The following LPP variants were observed in gnomAD, a reference collection of about 807,000 sequenced individuals.
LPP encodes LIM domain containing preferred translocation partner in lipoma.
LPP carries 38 observed loss-of-function variants against 60.4 expected under a neutral mutation model. That is an observed-to-expected ratio of 0.63 (90% CI 0.49 to 0.83). LPP has a LOEUF of 0.83. Among genes scored for constraint, LPP ranks in the 40% least tolerant of loss-of-function variants. The pLI, the probability that LPP is intolerant of heterozygous loss-of-function variation, is 0.00. For missense variants in LPP, 902 were observed against 783.6 expected, an observed-to-expected ratio of 1.15 and a Z score of -1.80; for synonymous variants, 328 against 290.8, an observed-to-expected ratio of 1.13 and a Z score of -1.30.
At chr3:188,406,438 T>C in intron 4 of LPP, 125 bp downstream of exon 4, 1 of 874,596 alleles carries the variant, frequency 1.1e-6, no homozygotes. Flanking sequence ...TGTCATAGGC[T>C]ACTAAAAGTA....
rs1770615663 is a variant in LPP at position 188,886,034 on chromosome 3, A to C, written c.*11555A>C. 1 of 152,108 alleles carries C rather than the reference A, an allele frequency of 6.6e-6. No individual in the cohort carries two copies. Among genetic ancestry groups the C allele is most frequent in the African/African-American group, 2.4e-5 (1 of 41,426 alleles). The allele number at this position is 152,108 out of a possible 1,614,324, so 9.4% of individuals were successfully genotyped here. ...GATGAAATTGGAAATCATCATTCTC[A>C]GTAAACTATCTCAAGGACAAAAAAC... On this transcript the variant is annotated 3_prime_UTR_variant, in exon 12 of 12. Coordinates refer to ENST00000617246, the MANE Select transcript of LPP (RefSeq NM_001375462.1).
Position 188,344,047 on chromosome 3 carries a change from C to T in LPP, c.-10+2328C>T, listed in dbSNP as rs116295515. ...AAGCTGCACTCCACGGAATCTGCAA[C>T]AGTATACCCTGTTTACTATTTAGAG... is the stretch of plus-strand genomic sequence containing the variant. On this transcript the variant is annotated intron_variant, in intron 3 of 11. Coordinates refer to ENST00000617246, the MANE Select transcript of LPP (RefSeq NM_001375462.1). 5.8e-3 allele frequency among the ~76,000 whole-genome samples: 882 copies of T among 152,314 alleles called. 10 individuals are homozygous for T. Among genetic ancestry groups the T allele is most frequent in the African/African-American group, 0.021 (855 of 41,568 alleles).
chr3:188,340,972 G>A (rs1319204299), intron 2 of LPP, among the ~76,000 whole-genome samples: 1 of 151,996 alleles, frequency 6.6e-6, no homozygotes, highest in African/African-American at 2.4e-5. Context: ...TTTAACTAAG[G>A]GCAACTTTGG....
intron 7 of LPP, among the ~76,000 whole-genome samples, chr3:188,645,809 CAA>C (rs397745386): frequency 7.4e-6 from 1 of 135,426 alleles, no homozygotes; most frequent in Non-Finnish European, 1.6e-5. Context: ...AATATAAGTT[CAA>C]AAAAAAAAAC....
intron 6 of LPP, among the ~76,000 whole-genome samples, chr3:188,608,465 C>G (rs980935113): frequency 6.6e-6 from 1 of 152,088 alleles, no homozygotes; most frequent in African/African-American, 2.4e-5. Context: ...GCCCCCTCAT[C>G]AAAAATCAAT....
At chr3:188,233,685 T>C (rs112363620) in intron 2 of LPP, among the ~76,000 whole-genome samples, 2,558 of 152,242 alleles carry the variant, frequency 0.017, 64 homozygotes, top group African/African-American at 0.056. Context: ...CAAGGCTTTT[T>C]CCCCCCATTG....
At chr3:188,681,515 G>T (rs1001875110) in intron 7 of LPP, among the ~76,000 whole-genome samples, 4 of 152,160 alleles carry the variant, frequency 2.6e-5, no homozygotes, top group Non-Finnish European at 5.9e-5. Context: ...CTAGGGTAAA[G>T]ATTTGTAATG....
chr3:188,457,735 A>AT (rs1553903656), intron 4 of LPP, among the ~76,000 whole-genome samples: 94 of 44,172 alleles, frequency 2.1e-3, no homozygotes, highest in Admixed American at 5.7e-3. Flanking sequence ...TACTAAAAAA[A>AT]AAAAATATAT....
chr3:188,680,319 C>A (rs1381975275), intron 7 of LPP, among the ~76,000 whole-genome samples: 1 of 152,190 alleles, frequency 6.6e-6, no homozygotes, highest in Non-Finnish European at 1.5e-5. Context: ...TCTCAGTTCT[C>A]TGTGACTTTA....
intron 5 of LPP, among the ~76,000 whole-genome samples, chr3:188,504,789 A>G (rs1812962858): frequency 1.4e-5 from 2 of 146,666 alleles, no homozygotes; most frequent in Admixed American, 1.4e-4. Context: ...GTAAAAAATA[A>G]AGGAAGAAAA....
chr3:188,184,730 T>A (rs1346309418), intron 1 of LPP, among the ~76,000 whole-genome samples: 1 of 144,446 alleles, frequency 6.9e-6, no homozygotes, highest in Non-Finnish European at 1.5e-5. Flanking sequence ...AGAGCAGGGG[T>A]ACATTTTGTA....
intron 3 of LPP, among the ~76,000 whole-genome samples, chr3:188,343,855 G>A (rs1249834672): frequency 6.6e-6 from 1 of 152,178 alleles, no homozygotes; most frequent in Non-Finnish European, 1.5e-5. Flanking sequence ...TGGTATCAGT[G>A]GCAGTAATGA....
chr3:188,397,775 G>A (rs567201348), intron 3 of LPP, among the ~76,000 whole-genome samples: 3 of 151,976 alleles, frequency 2.0e-5, no homozygotes, highest in Non-Finnish European at 4.4e-5. Context: ...CTCTGTGCTC[G>A]GCTAATTTTT....
chr3:188,338,525 C>T (rs1762257266), intron 2 of LPP, among the ~76,000 whole-genome samples: 3 of 152,182 alleles, frequency 2.0e-5, no homozygotes, highest in Non-Finnish European at 4.4e-5. Flanking sequence ...TTTGGGATAA[C>T]TGTGAAAAGA....
intron 6 of LPP, among the ~76,000 whole-genome samples, chr3:188,551,943 T>C (rs759585733): frequency 3.3e-5 from 5 of 152,220 alleles, no homozygotes; most frequent in African/African-American, 4.8e-5. Context: ...GATGCCATCT[T>C]GGAGGCCCTT....
intron 9 of LPP, among the ~76,000 whole-genome samples, chr3:188,860,967 A>G (rs963250080): frequency 1.3e-5 from 2 of 152,136 alleles, no homozygotes; most frequent in Admixed American, 6.5e-5. Flanking sequence ...GAGAATTAGG[A>G]GACCTTTATT....
At chr3:188,672,215 T>TA (rs1857091770) in intron 7 of LPP, among the ~76,000 whole-genome samples, 1 of 152,204 alleles carries the variant, frequency 6.6e-6, no homozygotes, top group Non-Finnish European at 1.5e-5. Flanking sequence ...TCTTTCTTGA[T>TA]ACTAAGGCAG....
intron 6 of LPP, among the ~76,000 whole-genome samples, chr3:188,549,285 G>C (rs1478439048): frequency 1.3e-5 from 2 of 152,008 alleles, no homozygotes. Context: ...GGCTGTGCTG[G>C]AATACATCAT....
At chr3:188,784,659 A>G (rs1741028532) in intron 9 of LPP, among the ~76,000 whole-genome samples, 1 of 6,344 alleles carries the variant, frequency 1.6e-4, no homozygotes, top group Non-Finnish European at 2.8e-4. Flanking sequence ...ATATTCCATC[A>G]TATATATATT....
Sources: gnomAD v4.1 joint callset for allele counts (sites outside exome capture counted in the v4.1 genomes callset) on GRCh38, gnomAD v4.1.1 for gene constraint, MANE v1.5 for transcripts, NCBI Gene and HGNC (gene_info 2026-07-23, HGNC 2026-07-21) for gene names.